Variants in CDH18 observed in about 807,000 individuals in gnomAD.
The protein encoded by CDH18 is cadherin-18.
In CDH18, 31 loss-of-function variants were observed where a neutral mutation model predicts 67.9. The observed-to-expected ratio is 0.46, with a 90% CI of 0.34 to 0.62. CDH18 has a LOEUF of 0.62. Ranked by LOEUF, CDH18 falls within the 20% of genes least tolerant of loss-of-function variation. CDH18 has a pLI of 0.01. For synonymous variants in CDH18, 362 were observed against 347.2 expected (o/e 1.04, Z -0.48); for missense variants, 890 against 975.5 (o/e 0.91, Z 1.17).
chr5:20,265,834 CATT>C (rs1744992040), intron 1 of CDH18, among the ~76,000 whole-genome samples: 2 of 152,258 alleles, frequency 1.3e-5, no homozygotes, highest in South Asian at 4.1e-4. Flanking sequence ...ACTGGGAAAG[CATT>C]ATTTCTGGGT....
chr5:20,361,752 A>G (rs1742104623), intron 1 of CDH18, among the ~76,000 whole-genome samples: 2 of 152,142 alleles, frequency 1.3e-5, no homozygotes, highest in African/African-American at 4.8e-5. Context: ...GCTTATGATT[A>G]TATAGGTTAT....
intron 2 of CDH18, among the ~76,000 whole-genome samples, chr5:19,966,806 T>A (rs1314261413): frequency 6.6e-6 from 1 of 152,036 alleles, no homozygotes; most frequent in African/African-American, 2.4e-5. Context: ...AACATAGTGA[T>A]GAGCTATTTT....
At chr5:20,049,118 G>C (rs368544159) in intron 2 of CDH18, among the ~76,000 whole-genome samples, 1 of 151,646 alleles carries the variant, frequency 6.6e-6, no homozygotes, top group African/African-American at 2.4e-5. Flanking sequence ...CTAAATGGTA[G>C]AGTATAAGAG....
chr5:19,905,533 T>A (rs1790437100), intron 2 of CDH18, among the ~76,000 whole-genome samples: 1 of 151,944 alleles, frequency 6.6e-6, no homozygotes, highest in Non-Finnish European at 1.5e-5. Flanking sequence ...TGATTAGTAG[T>A]TTAATAGCCA....
chr5:19,753,980 T>A (rs1353221037), intron 3 of CDH18, among the ~76,000 whole-genome samples: 1 of 152,084 alleles, frequency 6.6e-6, no homozygotes, highest in Non-Finnish European at 1.5e-5. Context: ...TAAAAGGAGC[T>A]CTAAATCTTG....
At chr5:19,828,425 A>T (rs944377320) in intron 3 of CDH18, among the ~76,000 whole-genome samples, 1 of 126,742 alleles carries the variant, frequency 7.9e-6, no homozygotes, top group African/African-American at 3.0e-5. Context: ...AACAACAGCA[A>T]CAACAACAAC....
chr5:19,801,142 A>G (rs1437255400), intron 3 of CDH18, among the ~76,000 whole-genome samples: 2 of 152,128 alleles, frequency 1.3e-5, no homozygotes, highest in African/African-American at 2.4e-5. Flanking sequence ...AGAAATTAAC[A>G]TAATACAATA....
chr5:19,814,477 T>C (rs1476929663), intron 3 of CDH18, among the ~76,000 whole-genome samples: 5 of 148,622 alleles, frequency 3.4e-5, no homozygotes, highest in Non-Finnish European at 7.5e-5. Context: ...TGTTGGTGGC[T>C]GGTTGTTCTA....
At chr5:20,575,030 C>T (rs1342149123) in intron 1 of CDH18, among the ~76,000 whole-genome samples, 6 of 151,632 alleles carry the variant, frequency 4.0e-5, no homozygotes, top group South Asian at 4.2e-4. Context: ...ATAGCATCTA[C>T]GTCTGCATAA....
chr5:19,497,553 A>G (rs1244885912), intron 11 of CDH18, among the ~76,000 whole-genome samples: 3 of 152,226 alleles, frequency 2.0e-5, no homozygotes, highest in African/African-American at 7.2e-5. Context: ...GGGTTAGAAC[A>G]TATGTCAGGA....
At chr5:20,118,144 T>G (rs1189942148) in intron 2 of CDH18, among the ~76,000 whole-genome samples, 3 of 152,212 alleles carry the variant, frequency 2.0e-5, no homozygotes, top group Non-Finnish European at 2.9e-5. Context: ...GTTTAATAAG[T>G]GCATTACATT....
At chr5:19,994,726 TATATATATATATAGAG>T (rs1435706039) in intron 2 of CDH18, among the ~76,000 whole-genome samples, 35 of 23,368 alleles carry the variant, frequency 1.5e-3, no homozygotes, top group Admixed American at 2.4e-3. Flanking sequence ...TATATATATA[TATATATATATATAGAG>T]AGAGAGAGAG....
At chr5:19,820,520 C>A (rs1176567543) in intron 3 of CDH18, among the ~76,000 whole-genome samples, 1 of 152,154 alleles carries the variant, frequency 6.6e-6, no homozygotes, top group Non-Finnish European at 1.5e-5. Flanking sequence ...GTAGACATAC[C>A]CCACAACCCA....
intron 2 of CDH18, among the ~76,000 whole-genome samples, chr5:19,904,694 T>G (rs1161650021): frequency 6.6e-6 from 1 of 152,146 alleles, no homozygotes; most frequent in Non-Finnish European, 1.5e-5. Context: ...GAAAAACAAG[T>G]GTTGGATTTA....
chr5:20,440,268 A>T (rs1749511806), intron 1 of CDH18, among the ~76,000 whole-genome samples: 2 of 151,876 alleles, frequency 1.3e-5, no homozygotes, highest in Non-Finnish European at 2.9e-5. Context: ...AGAAAGGCAC[A>T]AAAATAATTT....
chr5:19,618,841 C>A (rs1293476701), intron 5 of CDH18, among the ~76,000 whole-genome samples: 4 of 152,014 alleles, frequency 2.6e-5, no homozygotes, highest in African/African-American at 9.7e-5. Context: ...TCTGCTTATG[C>A]AAATTAATAT....
chr5:20,249,139 G>C (rs1743610905), intron 2 of CDH18, among the ~76,000 whole-genome samples: 1 of 152,230 alleles, frequency 6.6e-6, no homozygotes, highest in East Asian at 1.9e-4. Context: ...TTAGTATTCA[G>C]CATTTTTCTG....
At position 19,999,619 on chromosome 5, in the gene CDH18, T is replaced by G. The variant is rs144558864; in HGVS notation, c.-517-7605A>C. Among the ~76,000 whole-genome samples, 572 of 152,020 alleles carry G rather than the reference T, an allele frequency of 3.8e-3. 2 individuals carry two copies. Among genetic ancestry groups the G allele is most frequent in the African/African-American group, 0.013 (537 of 41,450 alleles). ...CTCTGTCTCAAAAATAATAATAATA[T>G]TAGTAATAGTAATAATAATAATAAT... On this transcript the variant is annotated intron_variant, in intron 2 of 14. Transcript: ENST00000507958.
chr5:20,160,013 T>C (rs1389154897), intron 2 of CDH18, among the ~76,000 whole-genome samples: 1 of 152,174 alleles, frequency 6.6e-6, no homozygotes, highest in Non-Finnish European at 1.5e-5. Context: ...TGCTATGTTG[T>C]TTAAAATTTG....
Sources: gnomAD v4.1 joint callset for allele counts (sites outside exome capture counted in the v4.1 genomes callset) on GRCh38, gnomAD v4.1.1 for gene constraint, MANE v1.5 for transcripts, NCBI Gene and HGNC (gene_info 2026-07-23, HGNC 2026-07-21) for gene names.